Variants in SOX5 observed in about 807,000 individuals in gnomAD.
SOX5 encodes transcription factor SOX-5.
In SOX5, 9 loss-of-function variants were observed where a neutral mutation model predicts 92.0. The observed-to-expected ratio is 0.10, with a 90% CI of 0.06 to 0.17. SOX5 has a LOEUF of 0.17. SOX5 is among the 10% of genes least tolerant of loss of function. The pLI, the probability that SOX5 is intolerant of heterozygous loss-of-function variation, is 1.00. For synonymous variants in SOX5, 344 were observed against 336.3 expected, an observed-to-expected ratio of 1.02 and a Z score of -0.25; for missense variants, 642 against 944.5, an observed-to-expected ratio of 0.68 and a Z score of 4.20.
chr12:24,196,644 C>T (rs997473598), intron 4 of SOX5, among the ~76,000 whole-genome samples: 4 of 152,176 alleles, frequency 2.6e-5, no homozygotes, highest in South Asian at 4.2e-4. Flanking sequence ...TGGCTCATGC[C>T]TATAATCCCA....
chr12:23,791,627 T>C (rs2095476552), intron 3 of SOX5, among the ~76,000 whole-genome samples: 1 of 152,270 alleles, frequency 6.6e-6, no homozygotes, highest in East Asian at 1.9e-4. Context: ...GTATATCACA[T>C]ACTAAAGTTC....
At chr12:23,731,718 T>C (rs1284185377) in intron 6 of SOX5, among the ~76,000 whole-genome samples, 4 of 152,186 alleles carry the variant, frequency 2.6e-5, no homozygotes, top group Admixed American at 1.3e-4. Context: ...TCTACCCCAC[T>C]TGATGTATTG....
chr12:24,100,201 C>T (rs1431131535), intron 4 of SOX5, among the ~76,000 whole-genome samples: 1 of 152,050 alleles, frequency 6.6e-6, no homozygotes, highest in African/African-American at 2.4e-5. Context: ...ATAAACAACA[C>T]TTCCTTTGAT....
At chr12:24,523,321 G>A (rs751461816) in intron 1 of SOX5, among the ~76,000 whole-genome samples, 11 of 152,062 alleles carry the variant, frequency 7.2e-5, no homozygotes, top group Non-Finnish European at 1.6e-4. Context: ...TACCCAAAAT[G>A]ATCTACAAAT....
At chr12:23,747,274 C>T (rs562851235) in intron 4 of SOX5, among the ~76,000 whole-genome samples, 1 of 152,124 alleles carries the variant, frequency 6.6e-6, no homozygotes, top group Non-Finnish European at 1.5e-5. Context: ...ACTATCATCT[C>T]TTGCCTTTAC....
At chr12:24,380,193 T>C (rs1016105100) in intron 1 of SOX5, among the ~76,000 whole-genome samples, 6 of 152,176 alleles carry the variant, frequency 3.9e-5, no homozygotes, top group African/African-American at 7.2e-5. Flanking sequence ...TGGGCTAACA[T>C]AGGGGCAAAG....
At chr12:24,318,550 T>C (rs1248420884) in intron 2 of SOX5, among the ~76,000 whole-genome samples, 1 of 152,222 alleles carries the variant, frequency 6.6e-6, no homozygotes. Flanking sequence ...TTTAAGCCTT[T>C]GTTATTCTGG....
intron 1 of SOX5, among the ~76,000 whole-genome samples, chr12:23,907,751 A>G (rs2138249522): frequency 6.6e-6 from 1 of 152,244 alleles, no homozygotes; most frequent in African/African-American, 2.4e-5. Context: ...ATAAGCAAAA[A>G]AAAAAAAATG....
chr12:23,911,072 A>G (rs749428511), intron 1 of SOX5, among the ~76,000 whole-genome samples: 1 of 152,144 alleles, frequency 6.6e-6, no homozygotes, highest in Non-Finnish European at 1.5e-5. Flanking sequence ...AATAAATAAT[A>G]CCTGCTAATG....
At chr12:23,884,955 T>A (rs531178564) in intron 2 of SOX5, among the ~76,000 whole-genome samples, 1 of 152,354 alleles carries the variant, frequency 6.6e-6, no homozygotes, top group African/African-American at 2.4e-5. Context: ...AGACTGAAGA[T>A]CGGCTATAAG....
intron 4 of SOX5, among the ~76,000 whole-genome samples, chr12:23,743,815 A>G (rs940050961): frequency 1.1e-4 from 17 of 152,142 alleles, no homozygotes; most frequent in Non-Finnish European, 2.4e-4. Flanking sequence ...TTTGGCTGGG[A>G]AAAAAAGTCT....
rs78164769 is a variant in SOX5 at position 23,807,081 on chromosome 12, G to T, written c.481+38902C>A. On this transcript the variant is annotated intron_variant, in intron 3 of 14. Transcript: ENST00000451604. ...GAGTGCCCTATATCAATGTTTCCAT[G>T]AAATCAAAAATTATGTATTCTTCTT... Among the ~76,000 whole-genome samples, 275 of 152,098 alleles carry T rather than the reference G, an allele frequency of 1.8e-3. 4 individuals carry two copies. In the East Asian group the frequency reaches 0.043, roughly 24 times the overall value.
chr12:23,804,715 G>T (rs2095726551), intron 3 of SOX5, among the ~76,000 whole-genome samples: 1 of 151,434 alleles, frequency 6.6e-6, no homozygotes. Flanking sequence ...TCCAGATCCA[G>T]CCCTGGTGTC....
At chr12:23,811,978 A>G in intron 3 of SOX5, among the ~76,000 whole-genome samples, 1 of 152,120 alleles carries the variant, frequency 6.6e-6, no homozygotes, top group East Asian at 1.9e-4. Flanking sequence ...AGTTTTGCTC[A>G]TTAACTTATA....
At chr12:24,462,421 T>C (rs1943744591) in intron 1 of SOX5, among the ~76,000 whole-genome samples, 1 of 152,198 alleles carries the variant, frequency 6.6e-6, no homozygotes, top group African/African-American at 2.4e-5. Context: ...TCTCCAACAA[T>C]ATTCATGATA....
intron 6 of SOX5, among the ~76,000 whole-genome samples, chr12:23,719,008 G>C (rs2092665298): frequency 6.6e-6 from 1 of 152,168 alleles, no homozygotes; most frequent in Non-Finnish European, 1.5e-5. Flanking sequence ...ATCTCAGAGT[G>C]GGTAAAGTTA....
At chr12:24,327,985 C>T (rs1273167455) in intron 2 of SOX5, among the ~76,000 whole-genome samples, 4 of 152,132 alleles carry the variant, frequency 2.6e-5, no homozygotes, top group African/African-American at 9.7e-5. Context: ...AACCACCGCA[C>T]CCAGCCGCAA....
intron 6 of SOX5, among the ~76,000 whole-genome samples, chr12:23,690,451 GT>G (rs1349228971): frequency 6.6e-6 from 1 of 152,110 alleles, no homozygotes; most frequent in Non-Finnish European, 1.5e-5. Flanking sequence ...CAAAGACATG[GT>G]CTAATCAATT....
chr12:24,561,627 G>A (rs1217181803), intron 1 of SOX5, among the ~76,000 whole-genome samples: 4 of 152,032 alleles, frequency 2.6e-5, no homozygotes, highest in Non-Finnish European at 1.5e-5. Context: ...ACTGAGTGAG[G>A]TGGGGGGAAA....
Sources: gnomAD v4.1 joint callset for allele counts (sites outside exome capture counted in the v4.1 genomes callset) on GRCh38, gnomAD v4.1.1 for gene constraint, MANE v1.5 for transcripts, NCBI Gene and HGNC (gene_info 2026-07-23, HGNC 2026-07-21) for gene names.